Variants in SMARCAD1 observed in about 807,000 individuals in gnomAD.
SMARCAD1 encodes the protein SNF2 related chromatin remodeling ATPase with DExD box 1, also known as SWI/SNF-related matrix-associated actin-dependent regulator of chromatin subfamily A containing DEAD/H box 1.
In SMARCAD1, 25 loss-of-function variants were observed where a neutral mutation model predicts 127.1. The ratio of observed to expected loss-of-function variants is 0.20; its 90% confidence interval spans 0.14 to 0.27. The LOEUF is 0.27. Ranked by LOEUF, SMARCAD1 falls within the 10% of genes least tolerant of loss-of-function variation. The probability of loss-of-function intolerance (pLI) is 1.00; values close to 1 mark genes in which losing one functional copy is unlikely to be tolerated. For synonymous variants in SMARCAD1, 400 were observed against 396.9 expected, an observed-to-expected ratio of 1.01 and a Z score of -0.09; for missense variants, 807 against 1,206.0, an observed-to-expected ratio of 0.67 and a Z score of 4.90.
chr4:94,249,635 T>C lies in SMARCAD1; in HGVS notation c.706-19T>C. On this transcript the variant is annotated intron_variant, in intron 6 of 23. Coordinates refer to ENST00000354268, the MANE Select transcript of SMARCAD1 (RefSeq NM_020159.5). ...TTGATATCTCTTAAATTGTTTTCTT[T>C]TTTTTTTCTCCCCATTAGGGAGAGG... 2.3e-6 allele frequency: 3 copies of C among 1,315,504 alleles called. No homozygotes were observed. The highest frequency in any genetic ancestry group is 3.3e-6 in the Non-Finnish European group (3 of 908,646). 81.5% of individuals were successfully genotyped at this position (1,315,504 alleles called of 1,614,324 possible). A position where few individuals can be genotyped will look rare whatever the true frequency, so the allele number is the denominator to read the frequency against.
intron 21 of SMARCAD1, among the ~76,000 whole-genome samples, chr4:94,282,495 TTTTAAAATCTTTC>T (rs1383915686): frequency 6.6e-6 from 1 of 152,152 alleles, no homozygotes; most frequent in African/African-American, 2.4e-5. Flanking sequence ...ATCAAGATTG[TTTTAAAATCTTTC>T]ACATTTTAAG....
At chr4:94,269,431 G>A (rs924343425) in intron 10 of SMARCAD1, among the ~76,000 whole-genome samples, 2 of 151,670 alleles carry the variant, frequency 1.3e-5, no homozygotes, top group African/African-American at 4.8e-5. Context: ...GAGTGAGATC[G>A]ACATCCTGAA....
At chr4:94,231,446 T>G (rs1745837528) in intron 3 of SMARCAD1, among the ~76,000 whole-genome samples, 1 of 152,346 alleles carries the variant, frequency 6.6e-6, no homozygotes, top group African/African-American at 2.4e-5. Context: ...ACTCTGTTGT[T>G]CTTACAGGTT....
intron 9 of SMARCAD1, among the ~76,000 whole-genome samples, chr4:94,256,494 C>T (rs1468073738): frequency 6.6e-6 from 1 of 152,164 alleles, no homozygotes; most frequent in Non-Finnish European, 1.5e-5. Flanking sequence ...TCCCTAGTAG[C>T]TGGGATTACA....
chr4:94,269,634 T>G (rs1752250486), intron 10 of SMARCAD1, among the ~76,000 whole-genome samples: 1 of 152,042 alleles, frequency 6.6e-6, no homozygotes, highest in Non-Finnish European at 1.5e-5. Context: ...CTGTTAATAG[T>G]TTTTAACCAT....
chr4:94,281,105 A>G (rs1314096312), intron 20 of SMARCAD1, among the ~76,000 whole-genome samples: 2 of 152,240 alleles, frequency 1.3e-5, no homozygotes, highest in Non-Finnish European at 2.9e-5. Flanking sequence ...TATTTAAGTA[A>G]TGCTGCCGTT....
At chr4:94,226,878 G>GT (rs1195162395) in intron 3 of SMARCAD1, among the ~76,000 whole-genome samples, 1 of 148,566 alleles carries the variant, frequency 6.7e-6, no homozygotes, top group Non-Finnish European at 1.5e-5. Context: ...TTTTTTTCTT[G>GT]TTTTTTCTAG....
At chr4:94,236,907 C>G (rs1467273667) in intron 4 of SMARCAD1, 45 bp from the exon 5 acceptor site, 1 of 1,439,336 alleles carries the variant, frequency 6.9e-7, no homozygotes, top group Non-Finnish European at 9.8e-7. Flanking sequence ...TGAAATAATT[C>G]TTAAAGTGCT....
At chr4:94,233,598 G>T (rs1442800545) in intron 3 of SMARCAD1, among the ~76,000 whole-genome samples, 1 of 152,138 alleles carries the variant, frequency 6.6e-6, no homozygotes, top group Non-Finnish European at 1.5e-5. Flanking sequence ...CTTAGGAGTA[G>T]CATAACTTCG....
intron 9 of SMARCAD1, among the ~76,000 whole-genome samples, chr4:94,259,092 A>G (rs1750566426): frequency 6.6e-6 from 1 of 152,170 alleles, no homozygotes; most frequent in South Asian, 2.1e-4. Context: ...CTCCCTTGTG[A>G]TCGTTTGACA....
At chr4:94,286,293 A>C (rs1754928667) in intron 23 of SMARCAD1, among the ~76,000 whole-genome samples, 1 of 152,184 alleles carries the variant, frequency 6.6e-6, no homozygotes, top group Non-Finnish European at 1.5e-5. Context: ...ACAAGTCCAG[A>C]GTTCCTCAGA....
At chr4:94,283,693 C>T (rs909716066) in intron 22 of SMARCAD1, among the ~76,000 whole-genome samples, 2 of 151,948 alleles carry the variant, frequency 1.3e-5, no homozygotes, top group African/African-American at 4.8e-5. Context: ...GGCATGGTGG[C>T]GGGTGCCTGT....
At chr4:94,246,556 T>C (rs967289027) in intron 6 of SMARCAD1, among the ~76,000 whole-genome samples, 9 of 152,200 alleles carry the variant, frequency 5.9e-5, no homozygotes, top group African/African-American at 2.2e-4. Flanking sequence ...CTTTCTTTTT[T>C]CTTAAGAGTG....
Position 94,208,540 on chromosome 4 carries a change from T to G in SMARCAD1, c.146T>G (p.Val49Gly). 6.2e-7 allele frequency: 1 copy of G among 1,614,094 alleles called. No homozygotes were observed. The highest frequency in any genetic ancestry group is 1.3e-5 in the African/African-American group (1 of 74,988). ...SAEEENAEGE[V>G]SRANTPDSDI... The stretch of plus-strand genomic sequence containing the variant: ...GAAGAGGAGAATGCTGAAGGGGAAG[T>G]TAGCAGGGCAAACACTCCTGATTCA... Residue 49 changes from valine to glycine, a missense_variant, in exon 2 of 24, where the codon GTT becomes GGT. By Grantham distance (109) the Val-to-Gly change is moderately radical. Around this residue, in one of 8 missense-constraint regions of SMARCAD1, gnomAD observed 175 missense variants for 169.5 expected, o/e 1.03. Transcript: ENST00000354268.
chr4:94,234,157 A>T, intron 4 of SMARCAD1, 35 bp downstream of exon 4: 1 of 1,542,342 alleles, frequency 6.5e-7, no homozygotes, highest in Non-Finnish European at 8.8e-7. Context: ...TGTAATGATG[A>T]TAAAATCTCT....
intron 14 of SMARCAD1, among the ~76,000 whole-genome samples, chr4:94,275,791 A>ATTTTTTT: frequency 1.6e-5 from 1 of 61,536 alleles, no homozygotes; most frequent in East Asian, 9.5e-4. Context: ...TAACATTAAC[A>ATTTTTTT]TTTTCTTTTT....
At chr4:94,258,218 G>A (rs530204788) in intron 9 of SMARCAD1, among the ~76,000 whole-genome samples, 17 of 150,954 alleles carry the variant, frequency 1.1e-4, no homozygotes, top group East Asian at 3.9e-4. Context: ...GCAGTGATGC[G>A]ATCTCAGCTC....
chr4:94,250,696 T>G, intron 7 of SMARCAD1, 56 bp from the exon 8 acceptor site: 1 of 1,213,310 alleles, frequency 8.2e-7, no homozygotes, highest in South Asian at 1.4e-5. Flanking sequence ...CATAGACGTT[T>G]TCTGCAAGTT....
At chr4:94,215,834 TTAAGTA>T (rs1490238362) in intron 2 of SMARCAD1, among the ~76,000 whole-genome samples, 9 of 152,178 alleles carry the variant, frequency 5.9e-5, no homozygotes, top group African/African-American at 2.2e-4. Flanking sequence ...ATTTTTTAGT[TTAAGTA>T]TGTTTTCATA....
Sources: allele counts gnomAD v4.1 joint callset (sites outside exome capture counted in the v4.1 genomes callset), GRCh38; gene constraint gnomAD v4.1.1; regional missense constraint gnomAD v4.1.1; transcripts MANE v1.5; gene names NCBI Gene and HGNC (gene_info 2026-07-23, HGNC 2026-07-21).